The following KHDRBS2 variants were observed in gnomAD, a reference collection of about 807,000 sequenced individuals.
KHDRBS2 encodes KH domain-containing, RNA-binding, signal transduction-associated protein 2.
A neutral mutation model predicts 44.3 loss-of-function variants in KHDRBS2; 26 were observed. The ratio of observed to expected loss-of-function variants is 0.59; its 90% CI spans 0.43 to 0.81. The LOEUF (loss-of-function observed/expected upper bound fraction) is 0.81. KHDRBS2 is among the 40% of genes least tolerant of loss of function. KHDRBS2 has a pLI of 0.00. For missense variants in KHDRBS2, 476 were observed against 433.1 expected (o/e 1.10, Z -0.88); for synonymous variants, 194 against 151.1 (o/e 1.28, Z -2.08).
At chr6:62,275,894 G>T (rs1840859479) in intron 1 of KHDRBS2, among the ~76,000 whole-genome samples, 1 of 152,012 alleles carries the variant, frequency 6.6e-6, no homozygotes, top group Non-Finnish European at 1.5e-5. Flanking sequence ...AATATTAGCT[G>T]CCTCTCAGAA....
intron 4 of KHDRBS2, among the ~76,000 whole-genome samples, chr6:61,953,393 C>T (rs1553395): frequency 0.87 from 132,208 of 151,980 alleles, 57,990 homozygotes; most frequent in African/African-American, 0.97. Context: ...GAATGGCCAG[C>T]ATTTTTGAAA....
At chr6:61,761,592 C>G (rs1161785198) in intron 6 of KHDRBS2, among the ~76,000 whole-genome samples, 6 of 152,048 alleles carry the variant, frequency 3.9e-5, no homozygotes, top group Non-Finnish European at 7.4e-5. Flanking sequence ...ATAAATATCA[C>G]CTAGCACAGG....
chr6:61,586,816 A>G, the KHDRBS2 span, among the ~76,000 whole-genome samples: 1 of 152,088 alleles, frequency 6.6e-6, no homozygotes, highest in Non-Finnish European at 1.5e-5. Context: ...TTCAAGACCC[A>G]TATTCTCCAC....
intron 1 of KHDRBS2, among the ~76,000 whole-genome samples, chr6:62,265,420 CTG>C (rs1839028711): frequency 6.6e-6 from 1 of 151,538 alleles, no homozygotes; most frequent in African/African-American, 2.4e-5. Flanking sequence ...GTGTGTATGT[CTG>C]TGTATGTGTA....
At chr6:61,677,377 A>G (rs1274128585), downstream of KHDRBS2, among the ~76,000 whole-genome samples, 2 of 151,932 alleles carry the variant, frequency 1.3e-5, no homozygotes, top group Admixed American at 6.6e-5. Flanking sequence ...ACTCAAATAT[A>G]TATGAAATGT....
At chr6:61,777,773 A>T (rs1782319131) in intron 6 of KHDRBS2, among the ~76,000 whole-genome samples, 1 of 152,188 alleles carries the variant, frequency 6.6e-6, no homozygotes, top group Non-Finnish European at 1.5e-5. Context: ...TCTTATCTTA[A>T]GGGTATAAAA....
At chr6:62,029,895 A>C (rs541605407) in intron 3 of KHDRBS2, among the ~76,000 whole-genome samples, 9 of 152,088 alleles carry the variant, frequency 5.9e-5, no homozygotes, top group Admixed American at 4.6e-4. Flanking sequence ...GCACATGTAG[A>C]TATAAGCTCC....
the KHDRBS2 span, among the ~76,000 whole-genome samples, chr6:61,571,353 G>A: frequency 6.6e-6 from 1 of 152,062 alleles, no homozygotes. Flanking sequence ...AAAAGGTTTA[G>A]TTCAACAGGA....
intron 2 of KHDRBS2, among the ~76,000 whole-genome samples, chr6:62,082,526 A>G (rs2127356156): frequency 6.6e-6 from 1 of 152,232 alleles, no homozygotes; most frequent in African/African-American, 2.4e-5. Flanking sequence ...TTTCATGGAA[A>G]CGATTTCATA....
intron 6 of KHDRBS2, among the ~76,000 whole-genome samples, chr6:61,786,083 A>T (rs1279192492): frequency 6.6e-6 from 1 of 152,014 alleles, no homozygotes; most frequent in Non-Finnish European, 1.5e-5. Context: ...TACCTCATGT[A>T]ATCAGTACCA....
chr6:61,556,504 A>G, the KHDRBS2 span, among the ~76,000 whole-genome samples: 1 of 152,220 alleles, frequency 6.6e-6, no homozygotes, highest in Non-Finnish European at 1.5e-5. Context: ...TTGAAGTGAT[A>G]GGCTCACTTC....
At chr6:61,971,183 A>G (rs918848219) in intron 4 of KHDRBS2, among the ~76,000 whole-genome samples, 7 of 152,162 alleles carry the variant, frequency 4.6e-5, no homozygotes, top group African/African-American at 1.7e-4. Flanking sequence ...GCATCCTTAC[A>G]TACACTACGT....
At chr6:61,740,269 G>C (rs777597550) in intron 6 of KHDRBS2, among the ~76,000 whole-genome samples, 1 of 151,936 alleles carries the variant, frequency 6.6e-6, no homozygotes, top group Non-Finnish European at 1.5e-5. Flanking sequence ...GGTGCACCAA[G>C]TGTGAATGCA....
chr6:61,654,019 G>A, the KHDRBS2 span, among the ~76,000 whole-genome samples: 4 of 151,812 alleles, frequency 2.6e-5, no homozygotes, highest in African/African-American at 4.8e-5. Flanking sequence ...AAGATACTAC[G>A]TTGCTTTGTG....
intron 6 of KHDRBS2, among the ~76,000 whole-genome samples, chr6:61,784,405 T>C (rs892048819): frequency 1.1e-4 from 16 of 144,046 alleles, no homozygotes; most frequent in African/African-American, 3.4e-4. Context: ...TTTGAAATGG[T>C]AAACTAAAAA....
At chr6:62,232,527 A>C (rs34761135) in intron 1 of KHDRBS2, among the ~76,000 whole-genome samples, 5,761 of 152,080 alleles carry the variant, frequency 0.038, 254 homozygotes, top group African/African-American at 0.11. Context: ...AAAACCACCA[A>C]CAACAACAAA....
the KHDRBS2 span, among the ~76,000 whole-genome samples, chr6:61,591,535 G>T: frequency 1.3e-5 from 2 of 152,132 alleles, no homozygotes; most frequent in African/African-American, 4.8e-5. Context: ...TCACTGGTGA[G>T]CTGTATCTCG....
At chr6:61,860,725 G>C (rs1796825026) in intron 6 of KHDRBS2, among the ~76,000 whole-genome samples, 1 of 152,088 alleles carries the variant, frequency 6.6e-6, no homozygotes, top group Middle Eastern at 3.4e-3. Context: ...CTTCCTTTGG[G>C]TATATATCCA....
At chr6:61,618,616 C>G in the KHDRBS2 span, among the ~76,000 whole-genome samples, 89,839 of 151,950 alleles carry the variant, frequency 0.59, 26,778 homozygotes, top group African/African-American at 0.61. Flanking sequence ...GTTCCTCTCC[C>G]TCTTCACACC....
Sources: allele counts gnomAD v4.1 joint callset (sites outside exome capture counted in the v4.1 genomes callset), GRCh38; gene constraint gnomAD v4.1.1; transcripts MANE v1.5; gene names NCBI Gene and HGNC (gene_info 2026-07-23, HGNC 2026-07-21).